Variants in SPIDR observed in about 807,000 individuals in gnomAD.
SPIDR encodes the protein scaffold protein involved in DNA repair.
In SPIDR, 93 loss-of-function variants were observed where a neutral mutation model predicts 104.6. That is an observed-to-expected ratio of 0.89 (90% CI 0.75 to 1.06). SPIDR has a LOEUF of 1.06. Ranked by LOEUF, SPIDR falls within the 50% of genes least tolerant of loss-of-function variation. The pLI, the probability that SPIDR is intolerant of heterozygous loss-of-function variation, is 0.00. For synonymous variants in SPIDR, 431 were observed against 416.9 expected (o/e 1.03, Z -0.41); for missense variants, 1,154 against 1,111.2 (o/e 1.04, Z -0.55).
chr8:47,426,352 A>T (rs2066411662), intron 7 of SPIDR, among the ~76,000 whole-genome samples: 1 of 152,078 alleles, frequency 6.6e-6, no homozygotes, highest in Non-Finnish European at 1.5e-5. Context: ...TTGTAAATTG[A>T]TGCCTTATGC....
intron 7 of SPIDR, among the ~76,000 whole-genome samples, chr8:47,420,657 A>G (rs1345916406): frequency 1.3e-5 from 2 of 152,306 alleles, no homozygotes; most frequent in South Asian, 2.1e-4. Context: ...TCCCGTCATT[A>G]TGATGTTACC....
intron 5 of SPIDR, among the ~76,000 whole-genome samples, chr8:47,386,631 G>A (rs1330729707): frequency 2.6e-5 from 4 of 152,060 alleles, no homozygotes; most frequent in African/African-American, 4.8e-5. Flanking sequence ...CCCATGTATA[G>A]GACAGCCTCT....
chr8:47,392,340 G>A (rs1223678471), intron 5 of SPIDR, among the ~76,000 whole-genome samples: 1 of 152,176 alleles, frequency 6.6e-6, no homozygotes, highest in African/African-American at 2.4e-5. Flanking sequence ...ACCACTCCAA[G>A]TGGTCTTCTC....
At chr8:47,446,393 GA>G (rs554857935) in intron 8 of SPIDR, among the ~76,000 whole-genome samples, 4 of 152,010 alleles carry the variant, frequency 2.6e-5, no homozygotes, top group African/African-American at 9.6e-5. Context: ...CTACTACTGA[GA>G]AAAAAAATTT....
chr8:47,303,164 C>G (rs1465639381), intron 5 of SPIDR, among the ~76,000 whole-genome samples: 1 of 152,212 alleles, frequency 6.6e-6, no homozygotes, highest in Non-Finnish European at 1.5e-5. Context: ...CTCCCGCAGC[C>G]TGGCTGCTGC....
rs782306854 is a variant in SPIDR at position 47,396,596 on chromosome 8, C to T, written c.746C>T (p.Pro249Leu). 11 of 1,613,362 alleles carry T rather than the reference C, an allele frequency of 6.8e-6. No homozygotes were observed. The highest frequency in any genetic ancestry group is 1.6e-4 in the Middle Eastern group (1 of 6,080). The change falls in exon 6 of 20, where the codon CCA becomes CTA. Residue 249 changes from proline (P) to leucine (L), a missense_variant. By Grantham distance (98) the Pro-to-Leu change is moderately conservative. Transcript: ENST00000297423. ...CCCACAGCTAAGTTTCCCAGGACTC[C>T]AGAAAATTCAGCAAAGAAGAAGCTT... ...QKPTAKFPRT[P>L]ENSAKKKLLR... is the part of the protein sequence containing the mutation.
chr8:47,362,489 A>G (rs1306537685), intron 5 of SPIDR, among the ~76,000 whole-genome samples: 1 of 152,122 alleles, frequency 6.6e-6, no homozygotes, highest in Non-Finnish European at 1.5e-5. Context: ...ATCACTACAC[A>G]TTGGTATGCC....
At chr8:47,421,123 G>T (rs1554680106) in intron 7 of SPIDR, among the ~76,000 whole-genome samples, 1 of 152,110 alleles carries the variant, frequency 6.6e-6, no homozygotes, top group African/African-American at 2.4e-5. Context: ...TCTTTGTGCT[G>T]TTCTCTGTAT....
chr8:47,648,200 A>T (rs2070933226), intron 10 of SPIDR, among the ~76,000 whole-genome samples: 1 of 152,220 alleles, frequency 6.6e-6, no homozygotes, highest in Admixed American at 6.5e-5. Context: ...AGTTAATTCA[A>T]CTTAGCACTC....
At chr8:47,456,149 T>G (rs1554709666) in intron 8 of SPIDR, among the ~76,000 whole-genome samples, 3 of 152,190 alleles carry the variant, frequency 2.0e-5, no homozygotes, top group Non-Finnish European at 4.4e-5. Flanking sequence ...TATGCTACAG[T>G]CCTAACTCCC....
intron 8 of SPIDR, among the ~76,000 whole-genome samples, chr8:47,525,234 G>C (rs753813382): frequency 3.9e-5 from 6 of 152,198 alleles, no homozygotes; most frequent in Non-Finnish European, 5.9e-5. Flanking sequence ...AAAAACCCAG[G>C]GGGTGACTGA....
intron 2 of SPIDR, among the ~76,000 whole-genome samples, chr8:47,281,086 T>C (rs923738506): frequency 1.3e-5 from 2 of 152,230 alleles, no homozygotes; most frequent in South Asian, 4.1e-4. Context: ...ATAAAAGTTA[T>C]GTTTATATTA....
intron 16 of SPIDR, 134 bp from the exon 17 acceptor site, chr8:47,727,066 G>A (rs1299558190): frequency 8.0e-6 from 5 of 626,958 alleles, no homozygotes; most frequent in Non-Finnish European, 1.4e-5. Flanking sequence ...AAAAATCTTA[G>A]GAACATGTAT....
intron 7 of SPIDR, among the ~76,000 whole-genome samples, chr8:47,435,951 G>A (rs782409513): frequency 1.3e-5 from 2 of 152,220 alleles, no homozygotes; most frequent in Non-Finnish European, 2.9e-5. Flanking sequence ...AAAGTCACAT[G>A]AGCAGCTAGC....
At chr8:47,545,765 G>GT (rs990856719) in intron 8 of SPIDR, among the ~76,000 whole-genome samples, 20 of 151,996 alleles carry the variant, frequency 1.3e-4, no homozygotes, top group African/African-American at 4.6e-4. Context: ...TTAACTATAG[G>GT]TTTTTTATAG....
chr8:47,457,327 G>T (rs1247694825), intron 8 of SPIDR, among the ~76,000 whole-genome samples: 11 of 152,154 alleles, frequency 7.2e-5, no homozygotes, highest in African/African-American at 2.4e-4. Flanking sequence ...GTACCGCATT[G>T]TGGTGTTGAC....
At chr8:47,619,704 C>G (rs954834721) in intron 10 of SPIDR, among the ~76,000 whole-genome samples, 2 of 151,542 alleles carry the variant, frequency 1.3e-5, no homozygotes, top group Non-Finnish European at 2.9e-5. Flanking sequence ...CTCCTGGGCT[C>G]AAGTGATTTT....
chr8:47,429,361 C>T (rs1486539763), intron 7 of SPIDR, among the ~76,000 whole-genome samples: 3 of 152,090 alleles, frequency 2.0e-5, no homozygotes, highest in African/African-American at 4.8e-5. Context: ...TTTCTGTGGC[C>T]CCCCACCTCC....
intron 10 of SPIDR, among the ~76,000 whole-genome samples, chr8:47,626,888 G>T (rs1032682440): frequency 6.6e-6 from 1 of 152,074 alleles, no homozygotes; most frequent in African/African-American, 2.4e-5. Context: ...CCATTACTGG[G>T]TATATACCCA....
Sources: allele counts gnomAD v4.1 joint callset (sites outside exome capture counted in the v4.1 genomes callset), GRCh38; gene constraint gnomAD v4.1.1; transcripts MANE v1.5; gene names NCBI Gene and HGNC (gene_info 2026-07-23, HGNC 2026-07-21).